SLC25A12: variants seen among roughly 807,000 people sequenced by gnomAD.
SLC25A12 encodes the protein solute carrier family 25 member 12, also known as electrogenic aspartate/glutamate antiporter SLC25A12, mitochondrial.
SLC25A12 carries 32 observed loss-of-function variants against 83.3 expected under a neutral mutation model. The observed-to-expected ratio is 0.38, with a 90% CI of 0.29 to 0.52. The LOEUF (loss-of-function observed/expected upper bound fraction) is 0.52, where lower values mean the gene tolerates loss of function less well. SLC25A12 is among the 20% of genes least tolerant of loss of function. The probability of loss-of-function intolerance (pLI) is 0.84; values close to 1 mark genes in which losing one functional copy is unlikely to be tolerated. For missense variants in SLC25A12, 611 were observed against 835.6 expected, an observed-to-expected ratio of 0.73 and a Z score of 3.31; for synonymous variants, 267 against 291.1, an observed-to-expected ratio of 0.92 and a Z score of 0.84.
At position 171,849,332 on chromosome 2, in the gene SLC25A12, T is replaced by C. The variant is rs185521964; in HGVS notation, c.326-4824A>G. ...ACCTTGAACTCTTAAGCTACTCTAATAGCCTTGAGTACTAAAAAAAAAAGC... is the reference window on the plus strand; with the variant it reads ...ACCTTGAACTCTTAAGCTACTCTAACAGCCTTGAGTACTAAAAAAAAAAGC... On this transcript the variant is annotated intron_variant, in intron 4 of 17. Transcript: ENST00000422440. 1.1e-3 allele frequency among the ~76,000 whole-genome samples: 168 copies of C among 148,028 alleles called. 1 individual carries two copies. Among genetic ancestry groups the C allele is most frequent in the African/African-American group, 3.8e-3 (156 of 40,912 alleles).
intron 2 of SLC25A12, among the ~76,000 whole-genome samples, chr2:171,872,971 A>G (rs1213300781): frequency 6.6e-6 from 1 of 152,166 alleles, no homozygotes; most frequent in Non-Finnish European, 1.5e-5. Context: ...CAAATGGTAG[A>G]AGACTTTGAA....
chr2:171,839,855 G>T (rs948770002), intron 5 of SLC25A12, among the ~76,000 whole-genome samples: 2 of 152,100 alleles, frequency 1.3e-5, no homozygotes, highest in East Asian at 1.9e-4. Context: ...AAAACAAGGG[G>T]CTTAGCTGGA....
At chr2:171,836,962 A>G (rs562639618) in intron 6 of SLC25A12, among the ~76,000 whole-genome samples, 159 bp downstream of exon 6, 18 of 91,814 alleles carry the variant, frequency 2.0e-4, no homozygotes, top group Admixed American at 3.9e-4. Context: ...ACACACATGC[A>G]CACACACACA....
chr2:171,849,254 AAC>A (rs983587717), intron 4 of SLC25A12, among the ~76,000 whole-genome samples: 9 of 152,156 alleles, frequency 5.9e-5, no homozygotes, highest in African/African-American at 1.9e-4. Flanking sequence ...TAGACACTTC[AAC>A]AGTCTATCAT....
intron 13 of SLC25A12, among the ~76,000 whole-genome samples, chr2:171,796,668 A>G (rs1187626378): frequency 1.3e-5 from 2 of 151,996 alleles, no homozygotes; most frequent in Non-Finnish European, 2.9e-5. Flanking sequence ...AGTAATTAGT[A>G]TACATTTTTA....
At chr2:171,875,970 A>G (rs1041549573) in intron 2 of SLC25A12, among the ~76,000 whole-genome samples, 5 of 152,026 alleles carry the variant, frequency 3.3e-5, no homozygotes, top group Non-Finnish European at 7.4e-5. Flanking sequence ...ACATTTAAAA[A>G]TTTTTAAAGT....
At chr2:171,845,320 A>G (rs1010821533) in intron 4 of SLC25A12, among the ~76,000 whole-genome samples, 2 of 152,164 alleles carry the variant, frequency 1.3e-5, no homozygotes, top group Admixed American at 1.3e-4. Context: ...ATAAAAGTCA[A>G]TTCACAAATG....
At chr2:171,871,053 G>T (rs1685446267) in intron 2 of SLC25A12, among the ~76,000 whole-genome samples, 1 of 152,020 alleles carries the variant, frequency 6.6e-6, no homozygotes, top group African/African-American at 2.4e-5. Context: ...AATTAGAAAA[G>T]TAGCTGGGCA....
intron 17 of SLC25A12, among the ~76,000 whole-genome samples, chr2:171,787,357 C>T (rs1245594458): frequency 2.0e-5 from 3 of 152,140 alleles, no homozygotes; most frequent in African/African-American, 7.2e-5. Context: ...CTAAAATCCC[C>T]CAAATAGCTG....
rs571934389 is a variant in SLC25A12 at position 171,864,297 on chromosome 2, T to C, written c.209+4384A>G. Among the ~76,000 whole-genome samples, 16 of 152,336 alleles carry C rather than the reference T, an allele frequency of 1.1e-4. No individual in the cohort carries two copies. The South Asian group carries it at 2.3e-3, about 22-fold the overall frequency. On this transcript the variant is annotated intron_variant, in intron 3 of 17. Transcript: ENST00000422440. ...CTGAAACTGCCATAACAAGCCAAAA[T>C]TGTCTTTATCTAATTCATGCAACTA... is the stretch of plus-strand genomic sequence containing the variant.
In SLC25A12 at chr2:171,787,637, T is replaced by C. The variant is rs121434396; in HGVS notation, c.1769A>G (p.Gln590Arg). 3 of 1,613,994 alleles carry C rather than the reference T, an allele frequency of 1.9e-6. No homozygotes were observed. The highest frequency in any genetic ancestry group is 2.5e-6 in the Non-Finnish European group (3 of 1,179,994). The change falls in exon 17 of 18, where the codon CAG (glutamine) becomes CGG (arginine). Residue 590 changes from glutamine (Q) to arginine (R), a missense_variant. Around this residue, in one of 3 missense-constraint regions of SLC25A12, gnomAD observed 540 missense variants for 777.5 expected, o/e 0.69. Transcript: ENST00000422440. ...TAARVFRSSPQFGVTLVTYEL... is the reference protein window; with the variant it reads ...TAARVFRSSPRFGVTLVTYEL... ...ATAAGTGACCAAGGTAACACCAAAC[T>C]GGGGAGAGGATCGAAACACTCGAGC...
rs1683883735 is a variant in SLC25A12, at chr2:171,808,589, T to C, written c.1305+1017A>G. On this transcript the variant is annotated intron_variant, in intron 13 of 17. Coordinates refer to ENST00000422440, the MANE Select transcript of SLC25A12 (RefSeq NM_003705.5). ...TGAATGGTAACTCTATCCACTACTA[T>C]ATTTTCTGTACTCTATTTCTTAAAA... Among the ~76,000 whole-genome samples the C allele has an allele frequency of 2.0e-5, 3 of 152,238 alleles. No individual in the cohort carries two copies. The East Asian group carries it at 5.8e-4, about 29-fold the overall frequency.
chr2:171,811,886 G>T (rs1042887641), intron 11 of SLC25A12, among the ~76,000 whole-genome samples: 1 of 152,106 alleles, frequency 6.6e-6, no homozygotes, highest in Non-Finnish European at 1.5e-5. Context: ...TACCAAAGAG[G>T]AGAAAGGTCA....
chr2:171,799,554 T>C (rs1683666455), intron 13 of SLC25A12, among the ~76,000 whole-genome samples: 1 of 152,190 alleles, frequency 6.6e-6, no homozygotes, highest in African/African-American at 2.4e-5. Context: ...GCTTTTTGCT[T>C]TACCGATATG....
At chr2:171,854,493 G>C (rs1685004950) in intron 4 of SLC25A12, among the ~76,000 whole-genome samples, 1 of 152,090 alleles carries the variant, frequency 6.6e-6, no homozygotes, top group Admixed American at 6.5e-5. Flanking sequence ...CTTGAACCCG[G>C]GAGGCAGGGG....
At chr2:171,871,737 C>T (rs1411892599) in intron 2 of SLC25A12, 1 of 985,026 alleles carries the variant, frequency 1.0e-6, no homozygotes, top group Non-Finnish European at 1.2e-6. Context: ...TTATGTCTCT[C>T]CTTTCTTCTA....
At chr2:171,806,227 AGGCC>A (rs2105854406) in intron 13 of SLC25A12, among the ~76,000 whole-genome samples, 1 of 152,236 alleles carries the variant, frequency 6.6e-6, no homozygotes, top group Admixed American at 6.5e-5. Flanking sequence ...TGGGAGGCCG[AGGCC>A]GGTGGATCAC....
At chr2:171,785,567 A>G in intron 17 of SLC25A12, 92 bp from the exon 18 acceptor site, 2 of 1,123,854 alleles carry the variant, frequency 1.8e-6, no homozygotes, top group East Asian at 4.7e-5. Flanking sequence ...CATGTGCCAC[A>G]AAGAAGAATG....
chr2:171,843,495 T>C (rs1308605039), intron 5 of SLC25A12, among the ~76,000 whole-genome samples: 1 of 151,860 alleles, frequency 6.6e-6, no homozygotes, highest in African/African-American at 2.4e-5. Context: ...TAGCCAGGTG[T>C]GGTGGCACAC....
Sources: gnomAD v4.1 joint callset for allele counts (sites outside exome capture counted in the v4.1 genomes callset) on GRCh38, gnomAD v4.1.1 for gene constraint, gnomAD v4.1.1 regional missense constraint, MANE v1.5 for transcripts, NCBI Gene and HGNC (gene_info 2026-07-23, HGNC 2026-07-21) for gene names.